POLR3B: variants seen among roughly 807,000 people sequenced by gnomAD.
The protein encoded by POLR3B is RNA polymerase III subunit B, also known as DNA-directed RNA polymerase III subunit RPC2.
Under a neutral mutation model 147.4 loss-of-function variants are expected in POLR3B, and 96 were observed. That is an observed-to-expected ratio of 0.65 (90% CI 0.55 to 0.77). POLR3B has a LOEUF of 0.77. POLR3B is among the 30% of genes least tolerant of loss of function. POLR3B has a pLI of 0.00. For synonymous variants in POLR3B, 461 were observed against 485.9 expected (o/e 0.95, Z 0.67); for missense variants, 1,036 against 1,413.5 (o/e 0.73, Z 4.28).
chr12:106,362,826 A>G (rs193161645), intron 1 of POLR3B, among the ~76,000 whole-genome samples: 2 of 152,182 alleles, frequency 1.3e-5, no homozygotes, highest in East Asian at 3.9e-4. Context: ...ATTTAGGTGT[A>G]ATTTATATAA....
intron 10 of POLR3B, among the ~76,000 whole-genome samples, chr12:106,398,470 G>A (rs1267753071): frequency 6.6e-6 from 1 of 152,228 alleles, no homozygotes; most frequent in African/African-American, 2.4e-5. Flanking sequence ...CTCTCTGACA[G>A]CTTTGAAGAG....
intron 13 of POLR3B, among the ~76,000 whole-genome samples, chr12:106,429,644 A>G (rs560696117): frequency 4.6e-5 from 7 of 152,286 alleles, no homozygotes; most frequent in Non-Finnish European, 1.0e-4. Flanking sequence ...GGTTTAGTTC[A>G]TATGAATCTA....
At chr12:106,410,507 T>C in intron 11 of POLR3B, 2 of 336,598 alleles carry the variant, frequency 5.9e-6, no homozygotes, top group Non-Finnish European at 5.7e-6. Context: ...ATTCTCTTGG[T>C]TAAATTAATC....
rs1303030292 is a variant in POLR3B, at chr12:106,369,348, G to A, written c.301G>A (p.Glu101Lys). ...FNVTRPVSPH[E>K]CRLRDMTYSA... is the part of the protein sequence containing the mutation. ...TGTAACTAGACCAGTGTCCCCTCAT[G>A]AGGTAATTATGAACCTTACTTTAAT... The change falls in exon 5 of 28, where the codon GAG becomes AAG. Residue 101 changes from glutamate (E) to lysine (K), a missense_variant and splice_region_variant. Around this residue, in one of 12 missense-constraint regions of POLR3B, gnomAD observed 150 missense variants for 145.5 expected, o/e 1.03. Transcript: ENST00000228347. 1 of 1,541,486 alleles carries A rather than the reference G, an allele frequency of 6.5e-7. No individual in the cohort carries two copies.
chr12:106,459,781 A>G (rs1287775620), intron 22 of POLR3B, among the ~76,000 whole-genome samples: 1 of 152,234 alleles, frequency 6.6e-6, no homozygotes, highest in Non-Finnish European at 1.5e-5. Context: ...GTATACTAGA[A>G]CATAGCCCAG....
At chr12:106,403,117 AAAAC>A (rs1243837273) in intron 10 of POLR3B, among the ~76,000 whole-genome samples, 14 of 151,966 alleles carry the variant, frequency 9.2e-5, no homozygotes, top group East Asian at 1.9e-4. Context: ...TTACAAGAAA[AAAAC>A]AAACAACCCC....
intron 18 of POLR3B, among the ~76,000 whole-genome samples, chr12:106,440,931 A>T (rs1189388320): frequency 6.6e-6 from 1 of 151,994 alleles, no homozygotes; most frequent in African/African-American, 2.4e-5. Flanking sequence ...AATTTCATTT[A>T]AAAAATCTAG....
intron 9 of POLR3B, among the ~76,000 whole-genome samples, chr12:106,390,239 A>C (rs2036896154): frequency 6.9e-6 from 1 of 144,888 alleles, no homozygotes; most frequent in African/African-American, 2.6e-5. Flanking sequence ...AAAAAGCAAA[A>C]CAAAAAAACA....
At chr12:106,483,900 C>T (rs556455213) in intron 23 of POLR3B, among the ~76,000 whole-genome samples, 57 of 152,288 alleles carry the variant, frequency 3.7e-4, no homozygotes, top group African/African-American at 1.3e-3. Flanking sequence ...CTCGGATTGA[C>T]GAAAAGTATA....
At position 106,464,505 on chromosome 12, in the gene POLR3B, TG is replaced by T. The variant is rs569842867; in HGVS notation, c.2713+886del. ...AAGGTCACACAATTAATGGGAGAAC[TG>T]ACATTTGAACCTTGGCAGCTTGGCT... On this transcript the variant is annotated intron_variant, in intron 23 of 27. Transcript: ENST00000228347. 7.0e-3 allele frequency among the ~76,000 whole-genome samples: 1,066 copies of T among 152,270 alleles called. 15 individuals are homozygous for T. Among genetic ancestry groups the T allele is most frequent in the African/African-American group, 0.025 (1,025 of 41,554 alleles).
chr12:106,480,920 C>T (rs1245064660), intron 23 of POLR3B, among the ~76,000 whole-genome samples: 8 of 151,710 alleles, frequency 5.3e-5, no homozygotes, highest in Non-Finnish European at 7.4e-5. Flanking sequence ...GAGGGGAGGG[C>T]GTGTGGTTAG....
At chr12:106,480,592 A>G (rs991118768) in intron 23 of POLR3B, among the ~76,000 whole-genome samples, 2 of 152,218 alleles carry the variant, frequency 1.3e-5, no homozygotes, top group African/African-American at 4.8e-5. Flanking sequence ...TGGGTCTCAG[A>G]TCAAGTACTC....
At chr12:106,444,680 A>G (rs1593045194) in intron 19 of POLR3B, 90 bp downstream of exon 19, 3 of 1,389,572 alleles carry the variant, frequency 2.2e-6, no homozygotes, top group Admixed American at 1.8e-5. Flanking sequence ...CACCAGTATT[A>G]TATGTTCCCA....
chr12:106,448,825 G>A (rs983357746), intron 19 of POLR3B, among the ~76,000 whole-genome samples: 7 of 151,900 alleles, frequency 4.6e-5, no homozygotes, highest in African/African-American at 1.7e-4. Context: ...TCCCAGTTTT[G>A]TTGAGTAACA....
chr12:106,401,906 C>G (rs1407867540), intron 10 of POLR3B, among the ~76,000 whole-genome samples: 2 of 152,156 alleles, frequency 1.3e-5, no homozygotes, highest in African/African-American at 4.8e-5. Flanking sequence ...TGGCACAGGA[C>G]AGGGATGCCC....
At chr12:106,503,419 G>A (rs2038633722) in intron 26 of POLR3B, among the ~76,000 whole-genome samples, 1 of 152,312 alleles carries the variant, frequency 6.6e-6, no homozygotes, top group Admixed American at 6.5e-5. Flanking sequence ...CCTTTAAGAA[G>A]CCTGCCAGGG....
intron 18 of POLR3B, among the ~76,000 whole-genome samples, chr12:106,441,141 G>A (rs974717250): frequency 1.3e-5 from 2 of 151,854 alleles, no homozygotes; most frequent in Non-Finnish European, 2.9e-5. Context: ...CAATGTGTGT[G>A]TATAAAACAG....
At chr12:106,468,896 G>T (rs1466744913) in intron 23 of POLR3B, among the ~76,000 whole-genome samples, 1 of 152,202 alleles carries the variant, frequency 6.6e-6, no homozygotes, top group Non-Finnish European at 1.5e-5. Context: ...GCGATGTGGT[G>T]CTGAGAAAAA....
At position 106,503,718 on chromosome 12, in the gene POLR3B, G is replaced by A. The variant is rs116030013; in HGVS notation, c.3099-363G>A. On this transcript the variant is annotated intron_variant, in intron 26 of 27. Transcript: ENST00000228347. ...CTCTTTGAAAATACTTAAAGACATT[G>A]TTTCCTGATTTGAAAACTCTGCTGT... Among the ~76,000 whole-genome samples the A allele has an allele frequency of 1.8e-3, 276 of 152,266 alleles. 1 individual carries two copies. Among genetic ancestry groups the A allele is most frequent in the African/African-American group, 6.2e-3 (258 of 41,548 alleles).
Sources: allele counts gnomAD v4.1 joint callset (sites outside exome capture counted in the v4.1 genomes callset), GRCh38; gene constraint gnomAD v4.1.1; regional missense constraint gnomAD v4.1.1; transcripts MANE v1.5; gene names NCBI Gene and HGNC (gene_info 2026-07-23, HGNC 2026-07-21).